RIC1: variants seen among roughly 807,000 people sequenced by gnomAD.
RIC1 encodes the protein RIC1 partner of RAB6A GEF complex.
A neutral mutation model predicts 169.0 loss-of-function variants in RIC1; 88 were observed. The observed-to-expected ratio is 0.52, with a 90% CI of 0.44 to 0.62. The LOEUF is 0.62. RIC1 is among the 20% of genes least tolerant of loss of function. RIC1 has a pLI of 0.00. For missense variants in RIC1, 1,877 were observed against 1,725.5 expected, an observed-to-expected ratio of 1.09 and a Z score of -1.56; for synonymous variants, 790 against 601.5, an observed-to-expected ratio of 1.31 and a Z score of -4.59.
intron 2 of RIC1, among the ~76,000 whole-genome samples, chr9:5,657,037 C>T (rs769979035): frequency 6.6e-6 from 1 of 151,746 alleles, no homozygotes; most frequent in Non-Finnish European, 1.5e-5. Flanking sequence ...TCTGCTGCTT[C>T]CTTCCATCCC....
At chr9:5,720,434 G>A in intron 5 of RIC1, 110 bp downstream of exon 5, 1 of 1,237,376 alleles carries the variant, frequency 8.1e-7, no homozygotes, top group South Asian at 1.5e-5. Flanking sequence ...AAGGGGAGAG[G>A]TGGGCAGAGT....
intron 1 of RIC1, among the ~76,000 whole-genome samples, chr9:5,656,021 C>T (rs1317319110): frequency 1.3e-5 from 2 of 152,072 alleles, no homozygotes; most frequent in African/African-American, 4.8e-5. Flanking sequence ...AGGCGCCTGC[C>T]ACCACGCCCA....
At chr9:5,728,395 C>T (rs746626142) in intron 6 of RIC1, among the ~76,000 whole-genome samples, 31 of 152,206 alleles carry the variant, frequency 2.0e-4, no homozygotes, top group Admixed American at 1.6e-3. Flanking sequence ...ATTGGAAAAG[C>T]GCAGTATTAG....
chr9:5,738,543 G>GTC lies in RIC1; in HGVS notation c.901+7_901+8dup. ...TAACAGCAAAACAGTATCCTGGTGA[G>GTC]TCTTTTTTTTTTTTTTTTTTTTTAA... is the stretch of plus-strand genomic sequence containing the variant. On this transcript the variant is annotated splice_donor_region_variant and intron_variant, in intron 8 of 25. Coordinates refer to ENST00000414202, the MANE Select transcript of RIC1 (RefSeq NM_020829.4). 1 of 893,630 alleles carries GTC rather than the reference G, an allele frequency of 1.1e-6. No homozygotes were observed. Among genetic ancestry groups the GTC allele is most frequent in the South Asian group, 1.8e-5 (1 of 54,354 alleles). 55.4% of individuals were successfully genotyped at this position (893,630 alleles called of 1,614,324 possible).
intron 1 of RIC1, among the ~76,000 whole-genome samples, chr9:5,649,037 A>C (rs559122043): frequency 2.7e-4 from 41 of 152,314 alleles, no homozygotes; most frequent in African/African-American, 9.1e-4. Context: ...TGGGAGGCTG[A>C]AGTGGGAGAA....
chr9:5,634,106 G>T (rs1312968907), intron 1 of RIC1, among the ~76,000 whole-genome samples: 1 of 152,136 alleles, frequency 6.6e-6, no homozygotes, highest in Non-Finnish European at 1.5e-5. Flanking sequence ...GTATGTGTGT[G>T]TGTTACATTT....
In RIC1 at chr9:5,689,963, C is replaced by G. The variant is rs371717422; in HGVS notation, c.257C>G (p.Ala86Gly). Residue 86 changes from alanine (A) to glycine (G), a missense_variant, in exon 3 of 26, where the codon GCA (alanine) becomes GGA (glycine). Physicochemically the swap from Ala to Gly is moderately conservative, Grantham distance 60. Coordinates refer to ENST00000414202, the MANE Select transcript of RIC1 (RefSeq NM_020829.4). The part of the protein sequence containing the change: ...PDSTMIAVST[A>G]NGYILFFHIT... ...TTAATAAAATTTCTCTTTCAGACGG[C>G]AAATGGATACATCTTGTTTTTTCAT... 2 of 1,591,662 alleles carry G rather than the reference C, an allele frequency of 1.3e-6. No individual in the cohort carries two copies. Among genetic ancestry groups the G allele is most frequent in the Non-Finnish European group, 1.7e-6 (2 of 1,167,044 alleles).
At chr9:5,637,925 C>T (rs967438600) in intron 1 of RIC1, among the ~76,000 whole-genome samples, 1 of 152,056 alleles carries the variant, frequency 6.6e-6, no homozygotes, top group Non-Finnish European at 1.5e-5. Context: ...TGTCGTGTTC[C>T]AGATCTTAGA....
intron 21 of RIC1, among the ~76,000 whole-genome samples, chr9:5,766,774 G>A (rs1308799891): frequency 1.3e-5 from 2 of 152,174 alleles, no homozygotes; most frequent in Non-Finnish European, 2.9e-5. Flanking sequence ...TTGGTTCCAC[G>A]ATTTTGCAGT....
At chr9:5,692,465 A>C (rs748092162) in intron 3 of RIC1, among the ~76,000 whole-genome samples, 13 of 152,068 alleles carry the variant, frequency 8.5e-5, no homozygotes, top group Non-Finnish European at 1.2e-4. Context: ...GCTTTTAAGT[A>C]ATTTTTAAAT....
intron 21 of RIC1, among the ~76,000 whole-genome samples, chr9:5,766,609 A>T (rs750142055): frequency 6.6e-6 from 1 of 152,116 alleles, no homozygotes; most frequent in Non-Finnish European, 1.5e-5. Context: ...TTGGTTTTCC[A>T]TTCCTGAGTT....
intron 13 of RIC1, 131 bp downstream of exon 13, chr9:5,753,369 A>G: frequency 1.2e-6 from 1 of 866,358 alleles, no homozygotes; most frequent in South Asian, 1.5e-5. Context: ...TTGCTAGTAT[A>G]TTAACATCTA....
At chr9:5,671,272 TTA>T (rs756326165) in intron 2 of RIC1, among the ~76,000 whole-genome samples, 20 of 146,160 alleles carry the variant, frequency 1.4e-4, no homozygotes, top group African/African-American at 4.2e-4. Flanking sequence ...ATTATTATTA[TTA>T]TTTTTTTTTT....
At chr9:5,656,160 G>A (rs770935790) in intron 1 of RIC1, among the ~76,000 whole-genome samples, 2 of 152,114 alleles carry the variant, frequency 1.3e-5, no homozygotes, top group South Asian at 2.1e-4. Context: ...ATGAGCCACC[G>A]CGCCTGGCCT....
intron 6 of RIC1, among the ~76,000 whole-genome samples, chr9:5,730,480 T>C (rs1460910328): frequency 6.6e-6 from 1 of 152,176 alleles, no homozygotes; most frequent in Non-Finnish European, 1.5e-5. Flanking sequence ...TATGATTCCA[T>C]TTTAGGTAAA....
intron 3 of RIC1, among the ~76,000 whole-genome samples, chr9:5,696,082 T>C (rs1821886882): frequency 6.6e-6 from 1 of 152,224 alleles, no homozygotes; most frequent in Non-Finnish European, 1.5e-5. Flanking sequence ...TACTGATTGA[T>C]TAGAGTTTTC....
intron 7 of RIC1, among the ~76,000 whole-genome samples, chr9:5,733,194 T>C (rs567384351): frequency 4.9e-4 from 74 of 151,948 alleles, no homozygotes; most frequent in Admixed American, 9.9e-4. Context: ...TGAGACTTGG[T>C]TGTTCTATAG....
In RIC1 at chr9:5,656,598, G is replaced by A. The variant is rs1819113274; in HGVS notation, c.160G>A (p.Val54Ile). The change falls in exon 2 of 26, where the codon GTA (valine) becomes ATA (isoleucine). Residue 54 changes from valine (V) to isoleucine (I), a missense_variant. Physicochemically the swap from Val to Ile is conservative, Grantham distance 29. Transcript: ENST00000414202. ...IWYSRPSVLI[V>I]TYKEPAKSST... is the part of the protein sequence containing the mutation. ...AATCACACAGCCTAGTGTGTTAATT[G>A]TAACCTACAAGGAGCCTGCAAAATC... The A allele has an allele frequency of 1.9e-6, 3 of 1,575,940 alleles. No individual in the cohort carries two copies. The highest frequency in any genetic ancestry group is 1.4e-5 in the African/African-American group (1 of 72,406).
intron 2 of RIC1, among the ~76,000 whole-genome samples, chr9:5,688,995 C>T (rs16923356): frequency 0.013 from 2,001 of 150,824 alleles, 55 homozygotes; most frequent in African/African-American, 0.046. Context: ...TATGTCATGA[C>T]GCAGATGTAT....
Sources: gnomAD v4.1 joint callset for allele counts (sites outside exome capture counted in the v4.1 genomes callset) on GRCh38, gnomAD v4.1.1 for gene constraint, MANE v1.5 for transcripts, NCBI Gene and HGNC (gene_info 2026-07-23, HGNC 2026-07-21) for gene names.